ADAM12: variants seen among roughly 807,000 people sequenced by gnomAD.
ADAM12 encodes the protein ADAM metallopeptidase domain 12.
Under a neutral mutation model 106.4 loss-of-function variants are expected in ADAM12, and 70 were observed. The ratio of observed to expected loss-of-function variants is 0.66; its 90% CI spans 0.54 to 0.80. The LOEUF (loss-of-function observed/expected upper bound fraction) is 0.80, where lower values mean the gene tolerates loss of function less well. Ranked by LOEUF, ADAM12 falls within the 30% of genes least tolerant of loss-of-function variation. ADAM12 has a pLI of 0.00. For missense variants in ADAM12, 1,010 were observed against 1,171.9 expected (o/e 0.86, Z 2.02); for synonymous variants, 420 against 433.5 (o/e 0.97, Z 0.39).
At chr10:126,291,358 A>G (rs1050393436) in intron 2 of ADAM12, among the ~76,000 whole-genome samples, 3 of 152,260 alleles carry the variant, frequency 2.0e-5, no homozygotes, top group African/African-American at 7.2e-5. Flanking sequence ...TAATCCTGCT[A>G]TCGATCACAG....
At chr10:126,303,237 T>C (rs560537096) in intron 2 of ADAM12, among the ~76,000 whole-genome samples, 13 of 152,354 alleles carry the variant, frequency 8.5e-5, no homozygotes, top group Admixed American at 3.3e-4. Flanking sequence ...CTTTTGGTAT[T>C]TCCAGTTGCT....
chr10:126,369,240 C>T (rs543961119), intron 1 of ADAM12, among the ~76,000 whole-genome samples: 3 of 152,090 alleles, frequency 2.0e-5, no homozygotes, highest in Non-Finnish European at 4.4e-5. Flanking sequence ...AAAAGCAGCA[C>T]ACCAAGTGGG....
In ADAM12 at chr10:126,108,934, T is replaced by C. The variant is rs75121291; in HGVS notation, c.670-270A>G. On this transcript the variant is annotated intron_variant, in intron 7 of 22. Transcript: ENST00000448723. ...AAATGATGGAGGCAGTGACTTGTTT[T>C]GGCAAAGAGGAAACAGACAACTAGA... is the stretch of plus-strand genomic sequence containing the variant. 3.7e-3 allele frequency among the ~76,000 whole-genome samples: 567 copies of C among 152,368 alleles called. 16 individuals are homozygous for C. In the East Asian group the frequency reaches 0.078, roughly 21 times the overall value.
At chr10:126,227,243 C>T (rs75588730) in intron 3 of ADAM12, among the ~76,000 whole-genome samples, 20,545 of 152,064 alleles carry the variant, frequency 0.14, 1,525 homozygotes, top group South Asian at 0.2. Flanking sequence ...ACCATGATTA[C>T]CACATCATCA....
At chr10:126,099,115 T>C (rs570438504) in intron 9 of ADAM12, among the ~76,000 whole-genome samples, 10 of 152,226 alleles carry the variant, frequency 6.6e-5, no homozygotes, top group Non-Finnish European at 1.3e-4. Flanking sequence ...TCCTTCTATC[T>C]GGAATCTTAA....
chr10:126,136,997 T>A (rs1456943434), intron 4 of ADAM12, among the ~76,000 whole-genome samples: 1 of 152,224 alleles, frequency 6.6e-6, no homozygotes, highest in Non-Finnish European at 1.5e-5. Flanking sequence ...TCATGCATTT[T>A]TTGCATAGCT....
intron 1 of ADAM12, among the ~76,000 whole-genome samples, chr10:126,377,649 C>T (rs1467012270): frequency 6.6e-6 from 1 of 152,136 alleles, no homozygotes; most frequent in Non-Finnish European, 1.5e-5. Flanking sequence ...CAAGCTTAAC[C>T]ATCACGCCAA....
chr10:126,124,316 C>G (rs1278307), intron 5 of ADAM12, among the ~76,000 whole-genome samples: 100,764 of 151,198 alleles, frequency 0.67, 34,483 homozygotes, highest in African/African-American at 0.83. Flanking sequence ...GGAGCAACTC[C>G]TGGGTAAAAG....
chr10:126,124,064 G>T (rs12269304), intron 5 of ADAM12, among the ~76,000 whole-genome samples: 2 of 152,102 alleles, frequency 1.3e-5, no homozygotes, highest in African/African-American at 2.4e-5. Flanking sequence ...AGCAGGCACC[G>T]GGGCCGCTTA....
chr10:126,017,446 C>G (rs577781694), intron 22 of ADAM12, 107 bp from the exon 23 acceptor site: 5 of 1,131,882 alleles, frequency 4.4e-6, no homozygotes, highest in Non-Finnish European at 6.3e-6. Flanking sequence ...GAAGGGTTTT[C>G]TGTGTCAGAT....
intron 4 of ADAM12, among the ~76,000 whole-genome samples, chr10:126,149,528 A>T (rs906666656): frequency 6.6e-6 from 1 of 152,100 alleles, no homozygotes; most frequent in Admixed American, 6.5e-5. Flanking sequence ...GCCAAAGGAG[A>T]TTAACATTTG....
At chr10:126,346,232 C>T (rs1186114313) in intron 1 of ADAM12, among the ~76,000 whole-genome samples, 1 of 152,072 alleles carries the variant, frequency 6.6e-6, no homozygotes, top group East Asian at 1.9e-4. Flanking sequence ...TCTTTGTTCT[C>T]GTTGGTTTCA....
chr10:126,223,470 C>T (rs182000732), intron 3 of ADAM12, among the ~76,000 whole-genome samples: 56 of 152,310 alleles, frequency 3.7e-4, no homozygotes, highest in African/African-American at 1.2e-3. Context: ...GAACAACCTT[C>T]TATTTTGAAT....
intron 6 of ADAM12, among the ~76,000 whole-genome samples, chr10:126,111,145 T>G (rs2133602678): frequency 6.6e-6 from 1 of 152,350 alleles, no homozygotes; most frequent in Non-Finnish European, 1.5e-5. Context: ...GCTGCCCAGC[T>G]GTGCTAATTC....
intron 3 of ADAM12, among the ~76,000 whole-genome samples, chr10:126,191,374 G>T (rs769066497): frequency 6.6e-6 from 1 of 152,100 alleles, no homozygotes; most frequent in Non-Finnish European, 1.5e-5. Context: ...GCTGAGTGGA[G>T]GATAGATGGG....
intron 4 of ADAM12, among the ~76,000 whole-genome samples, chr10:126,153,089 G>A (rs1193754241): frequency 2.0e-5 from 3 of 152,086 alleles, no homozygotes; most frequent in Non-Finnish European, 4.4e-5. Context: ...TTCTTTGTTA[G>A]TTACCCTTTG....
At chr10:126,111,901 C>T (rs1394256057) in intron 6 of ADAM12, among the ~76,000 whole-genome samples, 1 of 150,308 alleles carries the variant, frequency 6.7e-6, no homozygotes, top group Admixed American at 6.6e-5. Flanking sequence ...TCTGGCTGTC[C>T]AGTTAAAAAA....
intron 7 of ADAM12, among the ~76,000 whole-genome samples, chr10:126,109,144 T>G (rs1236753216): frequency 6.6e-6 from 1 of 152,232 alleles, no homozygotes; most frequent in African/African-American, 2.4e-5. Flanking sequence ...TAATCTGACC[T>G]TCCAGAATGG....
chr10:126,071,408 A>T, intron 12 of ADAM12, 69 bp downstream of exon 12: 1 of 1,565,056 alleles, frequency 6.4e-7, no homozygotes, highest in Non-Finnish European at 8.7e-7. Flanking sequence ...AGTTCCTCCA[A>T]GTTCTCTCTT....
Sources: allele counts gnomAD v4.1 joint callset (sites outside exome capture counted in the v4.1 genomes callset), GRCh38; gene constraint gnomAD v4.1.1; transcripts MANE v1.5; gene names NCBI Gene and HGNC (gene_info 2026-07-23, HGNC 2026-07-21).